Variants in CEP128 observed in about 807,000 individuals in gnomAD.
CEP128 encodes the protein centrosomal protein 128.
CEP128 carries 132 observed loss-of-function variants against 156.7 expected under a neutral mutation model. The ratio of observed to expected loss-of-function variants is 0.84; its 90% CI spans 0.73 to 0.97. The LOEUF (loss-of-function observed/expected upper bound fraction) is 0.97. Among genes scored for constraint, CEP128 ranks in the 50% least tolerant of loss-of-function variants. CEP128 has a pLI of 0.00. For synonymous variants in CEP128, 469 were observed against 448.9 expected, an observed-to-expected ratio of 1.04 and a Z score of -0.57; for missense variants, 1,252 against 1,281.9, an observed-to-expected ratio of 0.98 and a Z score of 0.36.
chr14:80,611,655 T>A (rs1566810225), intron 19 of CEP128, among the ~76,000 whole-genome samples: 1 of 152,180 alleles, frequency 6.6e-6, no homozygotes, highest in African/African-American at 2.4e-5. Flanking sequence ...CTTCTTAAAT[T>A]TAAATCAGTA....
At chr14:80,668,018 CTGA>C (rs1309338867) in intron 19 of CEP128, among the ~76,000 whole-genome samples, 1 of 152,036 alleles carries the variant, frequency 6.6e-6, no homozygotes, top group Non-Finnish European at 1.5e-5. Flanking sequence ...GGTGTCATTC[CTGA>C]TGATAATAGT....
chr14:80,613,197 G>A (rs1033386719), intron 19 of CEP128, among the ~76,000 whole-genome samples: 2 of 150,162 alleles, frequency 1.3e-5, no homozygotes, highest in East Asian at 4.0e-4. Context: ...TACTTGTTAA[G>A]TAATGATGGT....
chr14:80,754,359 C>T (rs1899535010), intron 18 of CEP128, among the ~76,000 whole-genome samples: 1 of 152,072 alleles, frequency 6.6e-6, no homozygotes, highest in African/African-American at 2.4e-5. Context: ...CATCAGCCTC[C>T]ATGGCAGCTT....
At chr14:80,925,668 A>T (rs1002241301) in intron 2 of CEP128, among the ~76,000 whole-genome samples, 2 of 152,058 alleles carry the variant, frequency 1.3e-5, no homozygotes, top group African/African-American at 2.4e-5. Flanking sequence ...TAAACAAAAT[A>T]GTGTGTAGAA....
intron 19 of CEP128, among the ~76,000 whole-genome samples, chr14:80,661,994 T>C (rs1424035171): frequency 4.6e-5 from 7 of 152,304 alleles, no homozygotes; most frequent in Middle Eastern, 3.4e-3. Context: ...TCAGCAGAGA[T>C]AGAAGCTTCC....
At chr14:80,900,069 T>C (rs751846678) in intron 6 of CEP128, 40 bp from the exon 7 acceptor site, 2 of 1,302,344 alleles carry the variant, frequency 1.5e-6, no homozygotes, top group Non-Finnish European at 2.2e-6. Context: ...TAGAATTCTG[T>C]TGAATTCTTC....
Position 80,505,021 on chromosome 14 carries a change from C to G in CEP128, c.3073-1G>C. ...AACCTTCCAGAAAGGTTCTGTCACCCTAAGGAAAAAAAGGCACAGCATTTC... is the reference window on the plus strand; with the variant it reads ...AACCTTCCAGAAAGGTTCTGTCACCGTAAGGAAAAAAAGGCACAGCATTTC... On this transcript the variant is annotated splice_acceptor_variant, in intron 23 of 24. Transcript: ENST00000555265. LOFTEE classifies it high-confidence loss of function. 1.3e-6 allele frequency: 2 copies of G among 1,558,270 alleles called. No individual in the cohort carries two copies. Among genetic ancestry groups the G allele is most frequent in the Middle Eastern group, 3.4e-4 (2 of 5,880 alleles).
At chr14:80,541,623 A>G (rs1357434734) in intron 21 of CEP128, among the ~76,000 whole-genome samples, 1 of 152,166 alleles carries the variant, frequency 6.6e-6, no homozygotes, top group Non-Finnish European at 1.5e-5. Context: ...TAACTTAAAA[A>G]AAAAAATCTC....
intron 19 of CEP128, among the ~76,000 whole-genome samples, chr14:80,716,743 A>G (rs1212695999): frequency 6.6e-6 from 1 of 152,084 alleles, no homozygotes; most frequent in Non-Finnish European, 1.5e-5. Context: ...AAATGTTTTC[A>G]TTTCTCTTGG....
chr14:80,953,412 C>T (rs960546365), intron 2 of CEP128, among the ~76,000 whole-genome samples: 4 of 152,058 alleles, frequency 2.6e-5, no homozygotes, highest in East Asian at 3.9e-4. Context: ...GGTGAAACCC[C>T]GTCTCCACTA....
rs183698598 is a variant in CEP128, at chr14:80,577,452, G to A, written c.2856+2922C>T. On this transcript the variant is annotated intron_variant, in intron 20 of 24. Coordinates refer to ENST00000555265, the MANE Select transcript of CEP128 (RefSeq NM_152446.5). ...GAGCACAACTATCTGTGAAGTTGCC[G>A]AATCGAGAAACACAAGAATCATTCT... Among the ~76,000 whole-genome samples, 10 of 152,190 alleles carry A rather than the reference G, an allele frequency of 6.6e-5. No homozygotes were observed. In the East Asian group the frequency reaches 1.2e-3, roughly 18 times the overall value.
At chr14:80,813,547 G>T (rs919892217) in intron 13 of CEP128, among the ~76,000 whole-genome samples, 1 of 151,718 alleles carries the variant, frequency 6.6e-6, no homozygotes, top group Non-Finnish European at 1.5e-5. Context: ...ATTTTCTCCT[G>T]TGTATGAGCT....
At chr14:80,855,927 G>C (rs946472775) in intron 9 of CEP128, among the ~76,000 whole-genome samples, 3 of 152,058 alleles carry the variant, frequency 2.0e-5, no homozygotes, top group African/African-American at 7.2e-5. Flanking sequence ...ATTAATAAAG[G>C]GTACCCGAGG....
At position 80,599,265 on chromosome 14, in the gene CEP128, C is replaced by CTTTTTT. The variant is rs375136337; in HGVS notation, c.2807-18848_2807-18843dup. Among the ~76,000 whole-genome samples, 296 of 85,398 alleles carry CTTTTTT rather than the reference C, an allele frequency of 3.5e-3. 1 individual carries two copies. Among genetic ancestry groups the CTTTTTT allele is most frequent in the Middle Eastern group, 0.021 (2 of 94 alleles). 56.0% of individuals were successfully genotyped at this position (85,398 alleles called of 152,430 possible). On this transcript the variant is annotated intron_variant, in intron 19 of 24. Coordinates refer to ENST00000555265, the MANE Select transcript of CEP128 (RefSeq NM_152446.5). ...ATCTACCCTAGTACACAGTCATATT[C>CTTTTTT]TTTTTTTTTTTTTTTTTTTTTTTTT...
chr14:80,686,129 G>A (rs1481194044), intron 19 of CEP128, among the ~76,000 whole-genome samples: 1 of 151,918 alleles, frequency 6.6e-6, no homozygotes, highest in Non-Finnish European at 1.5e-5. Context: ...TAACTTTTGT[G>A]CAGCAAAAAG....
At chr14:80,955,668 A>T (rs2139668952) in intron 2 of CEP128, 1 of 1,613,722 alleles carries the variant, frequency 6.2e-7, no homozygotes, top group Non-Finnish European at 8.5e-7. Flanking sequence ...AATAGCCCCG[A>T]GTCCCGTGGA....
At chr14:80,647,027 A>ATATG (rs1894668272) in intron 19 of CEP128, among the ~76,000 whole-genome samples, 1 of 117,352 alleles carries the variant, frequency 8.5e-6, no homozygotes, top group Non-Finnish European at 1.8e-5. Flanking sequence ...GTGTATATAT[A>ATATG]TGTGTGCATG....
intron 2 of CEP128, among the ~76,000 whole-genome samples, chr14:80,928,380 A>C (rs1885266018): frequency 6.6e-6 from 1 of 152,196 alleles, no homozygotes; most frequent in South Asian, 2.1e-4. Context: ...AAACCAACAT[A>C]AAGAAATTAA....
chr14:80,597,967 A>AC (rs927655077), intron 19 of CEP128, among the ~76,000 whole-genome samples: 7 of 116,522 alleles, frequency 6.0e-5, no homozygotes, highest in African/African-American at 1.6e-4. Flanking sequence ...AAAAAAAAAA[A>AC]AAACAAAACC....
Sources: gnomAD v4.1 joint callset for allele counts (sites outside exome capture counted in the v4.1 genomes callset) on GRCh38, gnomAD v4.1.1 for gene constraint, MANE v1.5 for transcripts, NCBI Gene and HGNC (gene_info 2026-07-23, HGNC 2026-07-21) for gene names.